Variants in ACP1 observed in about 807,000 individuals in gnomAD.
The protein encoded by ACP1 is acid phosphatase 1.
Under a neutral mutation model 23.4 loss-of-function variants are expected in ACP1, and 23 were observed. The observed-to-expected ratio is 0.98, with a 90% CI of 0.71 to 1.39. ACP1 has a LOEUF of 1.39. Ranked by LOEUF, ACP1 falls within the 40% of genes most tolerant of loss-of-function variation. The pLI, the probability that ACP1 is intolerant of heterozygous loss-of-function variation, is 0.00. For synonymous variants in ACP1, 72 were observed against 67.2 expected (o/e 1.07, Z -0.35); for missense variants, 180 against 197.7 (o/e 0.91, Z 0.54).
chr2:265,097 A>C lies in ACP1; in HGVS notation c.43+90A>C, dbSNP rs1669815675. 7.9e-6 allele frequency: 12 copies of C among 1,526,326 alleles called. No individual in the cohort carries two copies. The East Asian group carries it at 2.8e-4, about 36-fold the overall frequency. 94.5% of individuals were successfully genotyped at this position (1,526,326 alleles called of 1,614,324 possible). On this transcript the variant is annotated intron_variant, in intron 1 of 5. Coordinates refer to ENST00000272065, the MANE Select transcript of ACP1 (RefSeq NM_004300.4). Reference sequence around the variant, plus strand: ...TGTAGGTTGTGCCGCCGGCCTAGGAACCATGAGGGGGAGGAGGCCAGGGAC... The same window carrying C: ...TGTAGGTTGTGCCGCCGGCCTAGGACCCATGAGGGGGAGGAGGCCAGGGAC...
At position 273,369 on chromosome 2, in the gene ACP1, G is replaced by C. The variant is rs1670094980; in HGVS notation, c.231+1219G>C. On this transcript the variant is annotated intron_variant, in intron 3 of 5. Transcript: ENST00000272065. ...CAAGAGTTCTGCTACTGAACCGTTT[G>C]AGATCCCTGTTCTGAGGTCTCATCA... Among the ~76,000 whole-genome samples, 3 of 152,340 alleles carry C rather than the reference G, an allele frequency of 2.0e-5. No individual in the cohort carries two copies. In the South Asian group the frequency reaches 6.2e-4, roughly 32 times the overall value.
Position 264,969 on chromosome 2 carries a change from C to T in ACP1, c.5C>T (p.Ala2Val), listed in dbSNP as rs763654173. Residue 2 changes from alanine (A) to valine (V), a missense_variant, in exon 1 of 6, where the codon GCG becomes GTG. Ala to Val is a moderately conservative substitution (Grantham distance 64). Coordinates refer to ENST00000272065, the MANE Select transcript of ACP1 (RefSeq NM_004300.4). ...GGCGCCTCTGCGCGCGGGAAGATGG[C>T]GGAACAGGCTACCAAGTCCGTGCTG... M[A>V]EQATKSVLFV... The T allele has an allele frequency of 3.7e-6, 6 of 1,612,334 alleles. No individual in the cohort carries two copies. The highest frequency in any genetic ancestry group is 1.3e-5 in the African/African-American group (1 of 74,666).
At chr2:269,452 A>T (rs1207205985) in intron 1 of ACP1, 1 of 425,252 alleles carries the variant, frequency 2.4e-6, no homozygotes, top group Non-Finnish European at 4.8e-6. Context: ...CAACACTAGA[A>T]GATCCTCATT....
At position 277,005 on chromosome 2, in the gene ACP1, G is replaced by A; in HGVS notation, c.319G>A (p.Val107Ile). The A allele has an allele frequency of 6.2e-7, 1 of 1,608,540 alleles. No individual in the cohort carries two copies. Reference protein sequence around the residue: ...LRDLNRKSNQVKTCKAKIELL... With the variant: ...LRDLNRKSNQIKTCKAKIELL... ...AGATTTGAATAGAAAAAGTAATCAA[G>A]TTAAAACCTGCAAAGCTAAAATTGA... is the stretch of plus-strand genomic sequence containing the variant. Residue 107 changes from valine (V) to isoleucine (I), a missense_variant, in exon 5 of 6, where the codon GTT becomes ATT. This residue lies in a region of ACP1 where 13 missense variants were observed against 33.0 expected (regional missense o/e 0.39). Coordinates refer to ENST00000272065, the MANE Select transcript of ACP1 (RefSeq NM_004300.4).
At chr2:272,333 T>C (rs1435408097) in intron 3 of ACP1, 183 bp downstream of exon 3, 7 of 1,598,164 alleles carry the variant, frequency 4.4e-6, no homozygotes, top group East Asian at 2.3e-5. Flanking sequence ...CAATTTCTAA[T>C]ATATAGAGTC....
At chr2:266,676 C>G (rs1669893722) in intron 1 of ACP1, among the ~76,000 whole-genome samples, 1 of 152,146 alleles carries the variant, frequency 6.6e-6, no homozygotes, top group African/African-American at 2.4e-5. Context: ...AAACTGTGGT[C>G]GCAACTTTTG....
rs192683684 is a variant in ACP1, at chr2:277,252, T to C, written c.425T>C (p.Val142Ala). The C allele has an allele frequency of 1.6e-5, 26 of 1,613,778 alleles. No individual in the cohort carries two copies. The highest frequency in any genetic ancestry group is 2.0e-5 in the Non-Finnish European group (24 of 1,180,032). Residue 142 changes from valine to alanine, a missense_variant, in exon 6 of 6, where the codon GTG becomes GCG. Around this residue, in one of 3 missense-constraint regions of ACP1, gnomAD observed 35 missense variants for 40.5 expected, o/e 0.86. Coordinates refer to ENST00000272065, the MANE Select transcript of ACP1 (RefSeq NM_004300.4). The stretch of plus-strand genomic sequence containing the variant: ...GGGAATGACTCTGACTTTGAGACGG[T>C]GTACCAGCAGTGTGTCAGGTGCTGC... ...YYGNDSDFET[V>A]YQQCVRCCRA...
In ACP1 at chr2:275,026, ATTAG is replaced by A. The variant is rs1281955545; in HGVS notation, c.232-112_232-109del. 4 of 436,720 alleles carry A rather than the reference ATTAG, an allele frequency of 9.2e-6. No homozygotes were observed. In the East Asian group the frequency reaches 1.3e-4, roughly 14 times the overall value. 27.1% of individuals were successfully genotyped at this position (436,720 alleles called of 1,614,324 possible). On this transcript the variant is annotated intron_variant, in intron 3 of 5. Coordinates refer to ENST00000272065, the MANE Select transcript of ACP1 (RefSeq NM_004300.4). ...TACCCTAAAAATTATTTAATTGTTT[ATTAG>A]TGAGTAACAGGCTCAAATACAGCAG...
Position 268,428 on chromosome 2 carries a change from G to C in ACP1, c.43+3421G>C, listed in dbSNP as rs79801538. Among the ~76,000 whole-genome samples, 636 of 152,360 alleles carry C rather than the reference G, an allele frequency of 4.2e-3. 5 individuals carry two copies. Among genetic ancestry groups the C allele is most frequent in the African/African-American group, 0.014 (601 of 41,590 alleles). On this transcript the variant is annotated intron_variant, in intron 1 of 5. Coordinates refer to ENST00000272065, the MANE Select transcript of ACP1 (RefSeq NM_004300.4). ...GAAAATAATTGAGCTCCTTACTACA[G>C]CACAATTATGAAGGGTGCTTTATGT... is the stretch of plus-strand genomic sequence containing the variant.
chr2:272,543 C>T lies in ACP1; in HGVS notation c.231+393C>T, dbSNP rs1670075302. 3.8e-6 allele frequency: 5 copies of T among 1,305,188 alleles called. No individual in the cohort carries two copies. The South Asian group carries it at 6.5e-5, about 17-fold the overall frequency. The allele number at this position is 1,305,188 out of a possible 1,614,324, so 80.9% of individuals were successfully genotyped here. ...GGTAATTTATAATGAGAGAGCCTGACTGTGAGCTGGGGCTGAGCGGTGCTC... is the reference window on the plus strand; with the variant it reads ...GGTAATTTATAATGAGAGAGCCTGATTGTGAGCTGGGGCTGAGCGGTGCTC... On this transcript the variant is annotated intron_variant, in intron 3 of 5. Transcript: ENST00000272065.
chr2:270,849 T>TTTTGTTTG (rs57527715), intron 1 of ACP1, among the ~76,000 whole-genome samples: 69 of 151,398 alleles, frequency 4.6e-4, no homozygotes, highest in East Asian at 2.9e-3. Context: ...GCTTTGGCTG[T>TTTTGTTTG]TTTGTTTGTT....
intron 3 of ACP1, chr2:274,700 A>T (rs551982890): frequency 6.6e-6 from 1 of 152,222 alleles, no homozygotes; most frequent in Non-Finnish European, 1.5e-5. Context: ...GCCTGCCCCC[A>T]TGTGGAAGGG....
Position 277,416 on chromosome 2 carries a change from A to G in ACP1, c.*112A>G. On this transcript the variant is annotated 3_prime_UTR_variant, in exon 6 of 6. Transcript: ENST00000272065. ...GGGCCCAAAGCCCAGCTCTTTGTTC[A>G]GTTGACTTACTGTTTCTTACCTTAA... 2.2e-6 allele frequency: 2 copies of G among 904,368 alleles called. No homozygotes were observed. Among genetic ancestry groups the G allele is most frequent in the South Asian group, 1.3e-5 (1 of 74,406 alleles). The allele number at this position is 904,368 out of a possible 1,614,324, so 56.0% of individuals were successfully genotyped here.
chr2:277,437 C>T lies in ACP1; in HGVS notation c.*133C>T. 1 of 753,494 alleles carries T rather than the reference C, an allele frequency of 1.3e-6. No individual in the cohort carries two copies. The highest frequency in any genetic ancestry group is 2.3e-6 in the Non-Finnish European group (1 of 434,662). The allele number at this position is 753,494 out of a possible 1,614,324, so 46.7% of individuals were successfully genotyped here. A position where few individuals can be genotyped will look rare whatever the true frequency, so the allele number is the denominator to read the frequency against. On this transcript the variant is annotated 3_prime_UTR_variant, in exon 6 of 6. Transcript: ENST00000272065. ...GTTCAGTTGACTTACTGTTTCTTAC[C>T]TTAAAAAGTAATTGTAGATGGAAAT...
At chr2:276,739 A>G (rs774370273) in intron 4 of ACP1, among the ~76,000 whole-genome samples, 8 of 152,188 alleles carry the variant, frequency 5.3e-5, no homozygotes, top group Non-Finnish European at 1.0e-4. Flanking sequence ...TAATTATTGT[A>G]TATTTTGTGT....
intron 3 of ACP1, 154 bp downstream of exon 3, chr2:272,304 A>G (rs137938672): frequency 1.9e-6 from 3 of 1,612,386 alleles, no homozygotes; most frequent in African/African-American, 2.7e-5. Context: ...AAAGCAAGAC[A>G]GGTAGACAAG....
chr2:274,976 G>C, intron 3 of ACP1, 164 bp from the exon 4 acceptor site: 1 of 397,738 alleles, frequency 2.5e-6, no homozygotes, highest in Non-Finnish European at 4.5e-6. Flanking sequence ...TTGAGAAATA[G>C]GTTAACTCTA....
intron 1 of ACP1, 143 bp downstream of exon 1, chr2:265,150 T>C (rs556600041): frequency 6.8e-5 from 63 of 919,868 alleles, no homozygotes; most frequent in African/African-American, 8.7e-5. Context: ...TCTAGGAGTG[T>C]GCCGCAGCGC....
At chr2:269,232 T>G (rs1558262147) in intron 1 of ACP1, 2 of 440,466 alleles carry the variant, frequency 4.5e-6, no homozygotes, top group Non-Finnish European at 4.7e-6. Flanking sequence ...AGGAAAAACT[T>G]CACAACACAA....
Sources: gnomAD v4.1 joint callset for allele counts (sites outside exome capture counted in the v4.1 genomes callset) on GRCh38, gnomAD v4.1.1 for gene constraint, gnomAD v4.1.1 regional missense constraint, MANE v1.5 for transcripts, NCBI Gene and HGNC (gene_info 2026-07-23, HGNC 2026-07-21) for gene names.